ST6GALNAC5: variants seen among roughly 807,000 people sequenced by gnomAD.
ST6GALNAC5 encodes the protein alpha-N-acetylgalactosaminide alpha-2,6-sialyltransferase 5.
In ST6GALNAC5, 27 loss-of-function variants were observed where a neutral mutation model predicts 33.6. The observed-to-expected ratio is 0.80, with a 90% CI of 0.59 to 1.11. The LOEUF is 1.11. ST6GALNAC5 is among the 50% of genes least tolerant of loss of function. The pLI is 0.00. For synonymous variants in ST6GALNAC5, 194 were observed against 171.2 expected, an observed-to-expected ratio of 1.13 and a Z score of -1.04; for missense variants, 428 against 454.0, an observed-to-expected ratio of 0.94 and a Z score of 0.52.
intron 2 of ST6GALNAC5, among the ~76,000 whole-genome samples, chr1:77,041,733 G>A (rs1474121503): frequency 6.6e-6 from 1 of 152,148 alleles, no homozygotes; most frequent in Non-Finnish European, 1.5e-5. Context: ...AGAAGGTTTG[G>A]TCTCAACCAC....
intron 2 of ST6GALNAC5, among the ~76,000 whole-genome samples, chr1:76,912,668 C>T (rs550880645): frequency 6.6e-6 from 1 of 150,572 alleles, no homozygotes; most frequent in Non-Finnish European, 1.5e-5. Flanking sequence ...GATCCCTTTA[C>T]CATTATGTAA....
intron 2 of ST6GALNAC5, among the ~76,000 whole-genome samples, chr1:77,042,163 G>T (rs562669090): frequency 6.6e-6 from 1 of 152,260 alleles, no homozygotes; most frequent in African/African-American, 2.4e-5. Flanking sequence ...TTATTTGAAG[G>T]ATTAATGGAA....
At chr1:76,919,690 C>T (rs1444640265) in intron 2 of ST6GALNAC5, among the ~76,000 whole-genome samples, 6 of 152,148 alleles carry the variant, frequency 3.9e-5, no homozygotes, top group Non-Finnish European at 7.3e-5. Context: ...GGGGGCTGAA[C>T]TAAGCTAAAT....
At chr1:76,914,205 G>A (rs1473913364) in intron 2 of ST6GALNAC5, among the ~76,000 whole-genome samples, 1 of 152,136 alleles carries the variant, frequency 6.6e-6, no homozygotes, top group Admixed American at 6.6e-5. Flanking sequence ...CAAACAAATG[G>A]AAGAACATTC....
intron 2 of ST6GALNAC5, among the ~76,000 whole-genome samples, chr1:76,952,188 T>C (rs1440973768): frequency 2.6e-5 from 4 of 152,130 alleles, no homozygotes; most frequent in Admixed American, 2.0e-4. Context: ...TATGATATAA[T>C]ACTTCCTTAC....
intron 2 of ST6GALNAC5, among the ~76,000 whole-genome samples, chr1:76,919,772 A>C (rs890402013): frequency 2.0e-5 from 3 of 152,196 alleles, no homozygotes; most frequent in African/African-American, 7.2e-5. Flanking sequence ...ACCTTTCTTC[A>C]TTATAATCTT....
chr1:76,987,132 C>T (rs1378581792), intron 2 of ST6GALNAC5, among the ~76,000 whole-genome samples: 6 of 151,944 alleles, frequency 3.9e-5, no homozygotes, highest in Non-Finnish European at 5.9e-5. Flanking sequence ...CAAACCTGCA[C>T]CTTGTGCACA....
chr1:76,975,985 C>A (rs1648994125), intron 2 of ST6GALNAC5, among the ~76,000 whole-genome samples: 1 of 152,054 alleles, frequency 6.6e-6, no homozygotes, highest in Admixed American at 6.6e-5. Flanking sequence ...ATCCCAGCTA[C>A]TTGGGAGGCT....
intron 2 of ST6GALNAC5, 34 bp from the exon 3 acceptor site, chr1:77,044,170 C>G (rs552756487): frequency 1.3e-6 from 2 of 1,563,828 alleles, no homozygotes; most frequent in African/African-American, 2.7e-5. Flanking sequence ...AAGCCCTTTG[C>G]CCCTGACAGT....
intron 2 of ST6GALNAC5, among the ~76,000 whole-genome samples, chr1:77,007,103 C>T (rs1364097103): frequency 6.6e-6 from 1 of 152,190 alleles, no homozygotes; most frequent in African/African-American, 2.4e-5. Context: ...CCTGGCCAAG[C>T]CCAGTGTCAG....
In ST6GALNAC5 at chr1:77,029,854, T is replaced by C. The variant is rs1570115199; in HGVS notation, c.262-14350T>C. Among the ~76,000 whole-genome samples, 3 of 152,362 alleles carry C rather than the reference T, an allele frequency of 2.0e-5. No individual in the cohort carries two copies. In the South Asian group the frequency reaches 6.2e-4, roughly 32 times the overall value. Reference sequence around the variant, plus strand: ...ATTTGTCTAAATTATTGTTGAAGGTTCCAAATTGATTTTATACTTTCCTAC... The same window carrying C: ...ATTTGTCTAAATTATTGTTGAAGGTCCCAAATTGATTTTATACTTTCCTAC... On this transcript the variant is annotated intron_variant, in intron 2 of 4. Transcript: ENST00000477717.
chr1:77,002,728 C>A (rs1192286268), intron 2 of ST6GALNAC5, among the ~76,000 whole-genome samples: 1 of 150,762 alleles, frequency 6.6e-6, no homozygotes, highest in Non-Finnish European at 1.5e-5. Context: ...ATCTTTATTT[C>A]TGCCTTCATT....
chr1:77,025,650 C>G (rs2350525), intron 2 of ST6GALNAC5, among the ~76,000 whole-genome samples: 49,957 of 151,948 alleles, frequency 0.33, 9,305 homozygotes, highest in African/African-American at 0.5. Context: ...GTGGGGTGAC[C>G]AGTTGGGGGT....
intron 2 of ST6GALNAC5, among the ~76,000 whole-genome samples, chr1:76,941,431 T>A (rs1647332865): frequency 6.6e-6 from 1 of 152,090 alleles, no homozygotes; most frequent in Admixed American, 6.6e-5. Flanking sequence ...TTAAGAGAAC[T>A]AGCTGCTGTT....
chr1:76,981,661 C>CT (rs35756034), intron 2 of ST6GALNAC5, among the ~76,000 whole-genome samples: 119,559 of 152,088 alleles, frequency 0.79, 47,279 homozygotes, highest in East Asian at 0.93. Flanking sequence ...CATTTGAGCT[C>CT]GAGAATGGAC....
At chr1:76,968,577 T>A (rs749481684) in intron 2 of ST6GALNAC5, among the ~76,000 whole-genome samples, 3 of 152,206 alleles carry the variant, frequency 2.0e-5, no homozygotes, top group Non-Finnish European at 2.9e-5. Flanking sequence ...TTAGCCCATT[T>A]ACAGTTAAGG....
chr1:76,951,743 A>G (rs1244333218), intron 2 of ST6GALNAC5, among the ~76,000 whole-genome samples: 1 of 152,186 alleles, frequency 6.6e-6, no homozygotes, highest in Non-Finnish European at 1.5e-5. Flanking sequence ...ACAAATAACA[A>G]TAAAATGTTC....
rs1476941486 is a variant in ST6GALNAC5, at chr1:76,935,732, C to A, written c.261+66990C>A. ...TTTGGCCCTAGCATTTATAGAAAAA[C>A]ACTTGGGATTTCTATAAAAAACCTA... On this transcript the variant is annotated intron_variant, in intron 2 of 4. Transcript: ENST00000477717. 4.6e-5 allele frequency among the ~76,000 whole-genome samples: 7 copies of A among 151,918 alleles called. No homozygotes were observed. In the South Asian group the frequency reaches 8.3e-4, roughly 18 times the overall value.
intron 2 of ST6GALNAC5, among the ~76,000 whole-genome samples, chr1:77,024,894 A>G (rs1651176840): frequency 6.6e-6 from 1 of 152,288 alleles, no homozygotes; most frequent in East Asian, 1.9e-4. Context: ...TCCCAACTCC[A>G]TCTGCTGTGA....
Sources: gnomAD v4.1 joint callset for allele counts (sites outside exome capture counted in the v4.1 genomes callset) on GRCh38, gnomAD v4.1.1 for gene constraint, MANE v1.5 for transcripts, NCBI Gene and HGNC (gene_info 2026-07-23, HGNC 2026-07-21) for gene names.